The following RFFL variants were observed in gnomAD, a reference collection of about 807,000 sequenced individuals.
RFFL encodes the protein ring finger and FYVE like domain containing E3 ubiquitin protein ligase, also known as E3 ubiquitin-protein ligase rififylin.
RFFL carries 16 observed loss-of-function variants against 40.4 expected under a neutral mutation model. The observed-to-expected ratio is 0.40, with a 90% CI of 0.27 to 0.60. The LOEUF (loss-of-function observed/expected upper bound fraction) is 0.60. RFFL is among the 20% of genes least tolerant of loss of function. The pLI, the probability that RFFL is intolerant of heterozygous loss-of-function variation, is 0.47. For missense variants in RFFL, 367 were observed against 451.7 expected (o/e 0.81, Z 1.70); for synonymous variants, 154 against 167.9 (o/e 0.92, Z 0.64).
chr17:35,007,055 T>C lies in RFFL; in HGVS notation c.*4913A>G, dbSNP rs764590539. ...CCTTTGAGTACTGACCTACATAGAT[T>C]TCCATTTCTCTCTTCAGCCTCAGGC... On this transcript the variant is annotated 3_prime_UTR_variant, in exon 7 of 7. Transcript: ENST00000394597. 2.0e-5 allele frequency: 3 copies of C among 152,242 alleles called. No homozygotes were observed. The highest frequency in any genetic ancestry group is 4.4e-5 in the Non-Finnish European group (3 of 68,088). The allele number at this position is 152,242 out of a possible 1,614,324, so 9.4% of individuals were successfully genotyped here.
At chr17:35,088,764 CA>C (rs1406599510) in intron 1 of RFFL, 1 of 152,280 alleles carries the variant, frequency 6.6e-6, no homozygotes, top group African/African-American at 2.4e-5. Context: ...TTCTGACGTA[CA>C]AAGAGGTATC....
At chr17:35,034,035 C>T (rs866955343) in intron 1 of RFFL, among the ~76,000 whole-genome samples, 17 of 151,154 alleles carry the variant, frequency 1.1e-4, no homozygotes, top group African/African-American at 4.2e-4. Flanking sequence ...CCCAGCTACC[C>T]GGGAGGCTGA....
chr17:35,060,238 G>A (rs2091283379), intron 1 of RFFL, among the ~76,000 whole-genome samples: 1 of 152,256 alleles, frequency 6.6e-6, no homozygotes, highest in Non-Finnish European at 1.5e-5. Flanking sequence ...TTCAATCAAG[G>A]TCTCTAACCA....
chr17:35,080,040 T>C (rs751148526), intron 1 of RFFL, among the ~76,000 whole-genome samples: 7 of 152,116 alleles, frequency 4.6e-5, no homozygotes, highest in Non-Finnish European at 1.0e-4. Flanking sequence ...TTTCCACCCC[T>C]TGACAAAAAT....
intron 1 of RFFL, among the ~76,000 whole-genome samples, chr17:35,062,221 G>A (rs1353422941): frequency 2.0e-5 from 3 of 151,848 alleles, no homozygotes; most frequent in Non-Finnish European, 4.4e-5. Context: ...TCGCCAACAT[G>A]GTGAAACACT....
At position 35,012,052 on chromosome 17, in the gene RFFL, G is replaced by A; in HGVS notation, c.1008C>T (p.Thr336=). ...TCATGCGCTTGCCACACTTGGTACAGGTTACCATGTGGCCACACTCCAGAA... is the reference window on the plus strand; with the variant it reads ...TCATGCGCTTGCCACACTTGGTACAAGTTACCATGTGGCCACACTCCAGAA... ...CVLLECGHMV[T]CTKCGKRMNE... is the part of the protein sequence containing the mutation. The change falls in exon 7 of 7, where the codon ACC becomes ACT. Residue 336 remains threonine, a synonymous_variant. Coordinates refer to ENST00000394597, the MANE Select transcript of RFFL (RefSeq NM_001017368.2). The A allele has an allele frequency of 1.2e-6, 2 of 1,614,134 alleles. No individual in the cohort carries two copies. Among genetic ancestry groups the A allele is most frequent in the South Asian group, 1.1e-5 (1 of 91,078 alleles).
intron 1 of RFFL, among the ~76,000 whole-genome samples, chr17:35,043,366 T>C (rs193229676): frequency 4.6e-5 from 7 of 152,298 alleles, no homozygotes; most frequent in Non-Finnish European, 1.0e-4. Context: ...ATAACTTCAC[T>C]GGACTTTTCA....
At chr17:35,029,117 C>A (rs1372713896) in intron 1 of RFFL, among the ~76,000 whole-genome samples, 1 of 151,984 alleles carries the variant, frequency 6.6e-6, no homozygotes. Flanking sequence ...TATAACCTGT[C>A]TGAGGGTTCT....
In RFFL at chr17:35,014,722, A is replaced by G. The variant is rs1178652965; in HGVS notation, c.910+18T>C. On this transcript the variant is annotated intron_variant, in intron 6 of 6. Transcript: ENST00000394597. ...CAAAAGGGCCTAAGCCCATTCCCAAACAGAAACAACTACATACCGTTTTGG... is the reference window on the plus strand; with the variant it reads ...CAAAAGGGCCTAAGCCCATTCCCAAGCAGAAACAACTACATACCGTTTTGG... 1.6e-5 allele frequency: 25 copies of G among 1,612,216 alleles called. No individual in the cohort carries two copies. The highest frequency in any genetic ancestry group is 1.9e-5 in the Non-Finnish European group (22 of 1,178,420).
At chr17:35,055,715 C>G (rs2339123) in intron 1 of RFFL, among the ~76,000 whole-genome samples, 1 of 149,786 alleles carries the variant, frequency 6.7e-6, no homozygotes, top group Non-Finnish European at 1.5e-5. Context: ...AAACATTAAT[C>G]AGGCTGGATT....
chr17:35,074,844 C>T (rs1428417626), intron 1 of RFFL, among the ~76,000 whole-genome samples: 1 of 152,228 alleles, frequency 6.6e-6, no homozygotes, highest in Non-Finnish European at 1.5e-5. Flanking sequence ...AAGCCTTCCC[C>T]TAACTCCCAC....
upstream of RFFL, among the ~76,000 whole-genome samples, chr17:35,068,531 G>A (rs1167477632): frequency 1.3e-5 from 2 of 152,266 alleles, no homozygotes; most frequent in African/African-American, 4.8e-5. Context: ...CCCCAGTTGT[G>A]TGAGGGCATG....
intron 1 of RFFL, among the ~76,000 whole-genome samples, chr17:35,054,465 A>C (rs1304296217): frequency 1.3e-5 from 2 of 152,202 alleles, no homozygotes; most frequent in African/African-American, 2.4e-5. Context: ...ATGAAAATCC[A>C]ATCATTACAC....
Position 35,008,432 on chromosome 17 carries a change from G to A in RFFL, c.*3536C>T, listed in dbSNP as rs542966247. 6.6e-6 allele frequency: 1 copy of A among 151,390 alleles called. No individual in the cohort carries two copies. Among genetic ancestry groups the A allele is most frequent in the Non-Finnish European group, 1.5e-5 (1 of 67,870 alleles). The allele number at this position is 151,390 out of a possible 1,614,324, so 9.4% of individuals were successfully genotyped here. On this transcript the variant is annotated 3_prime_UTR_variant, in exon 7 of 7. Coordinates refer to ENST00000394597, the MANE Select transcript of RFFL (RefSeq NM_001017368.2). ...AGGATTAGCTTGTGGTTTATCAGTT[G>A]TCAATTTTTTTTTTTTTTTAATACA... is the stretch of plus-strand genomic sequence containing the variant.
chr17:35,012,265 TCTCAGTGCACATG>T, intron 6 of RFFL, 116 bp from the exon 7 acceptor site: 4 of 812,306 alleles, frequency 4.9e-6, no homozygotes, highest in Non-Finnish European at 7.6e-6. Context: ...GTAAACAAAG[TCTCAGTGCACATG>T]CTTCCCTCAA....
exon 1 of RFFL, chr17:35,089,124 G>C (rs903454023): frequency 2.0e-5 from 3 of 152,284 alleles, no homozygotes; most frequent in African/African-American, 7.2e-5. Flanking sequence ...CCGCCCTCCC[G>C]GCCGGCACCT....
Position 35,021,792 on chromosome 17 carries a change from C to A in RFFL, c.181-11G>T, listed in dbSNP as rs1253787510. The A allele has an allele frequency of 1.2e-6, 2 of 1,613,986 alleles. No individual in the cohort carries two copies. The highest frequency in any genetic ancestry group is 2.2e-5 in the South Asian group (2 of 91,074). Reference sequence around the variant, plus strand: ...GTCCAAGCAGGTCTGCTGCTTAGAGCAAAAGACACAGGAAACCATGTCAGA... The same window carrying A: ...GTCCAAGCAGGTCTGCTGCTTAGAGAAAAAGACACAGGAAACCATGTCAGA... On this transcript the variant is annotated splice_polypyrimidine_tract_variant and intron_variant, in intron 2 of 6. Transcript: ENST00000394597.
At chr17:35,065,186 C>T (rs2091313792), upstream of RFFL, among the ~76,000 whole-genome samples, 1 of 150,896 alleles carries the variant, frequency 6.6e-6, no homozygotes, top group Admixed American at 6.6e-5. Context: ...TCTCAAGGTA[C>T]AGACAAATAT....
rs2090974234 is a variant in RFFL, at chr17:35,016,506, A to G, written c.750T>C (p.Ile250=). The G allele has an allele frequency of 6.2e-7, 1 of 1,614,046 alleles. No homozygotes were observed. ...SLSDLTDLED[I]EGLTVRQLKE... ...TCAGCTGCCGCACTGTCAGGCCTTC[A>G]ATGTCCTCCAGGTCAGTCAGGTCAG... The change falls in exon 5 of 7, where the codon ATT becomes ATC. Residue 250 remains isoleucine (I), a synonymous_variant. Transcript: ENST00000394597.
Sources: allele counts gnomAD v4.1 joint callset (sites outside exome capture counted in the v4.1 genomes callset), GRCh38; gene constraint gnomAD v4.1.1; transcripts MANE v1.5; gene names NCBI Gene and HGNC (gene_info 2026-07-23, HGNC 2026-07-21).